The following SSH2 variants were observed in gnomAD, a reference collection of about 807,000 sequenced individuals.
SSH2 encodes protein phosphatase Slingshot homolog 2.
A neutral mutation model predicts 135.2 loss-of-function variants in SSH2; 37 were observed. That is an observed-to-expected ratio of 0.27 (90% confidence interval 0.21 to 0.36). The LOEUF (loss-of-function observed/expected upper bound fraction) is 0.36. Among genes scored for constraint, SSH2 ranks in the 10% least tolerant of loss-of-function variants. The pLI, the probability that SSH2 is intolerant of heterozygous loss-of-function variation, is 1.00. For missense variants in SSH2, 1,408 were observed against 1,765.3 expected, an observed-to-expected ratio of 0.80 and a Z score of 3.63; for synonymous variants, 628 against 646.2, an observed-to-expected ratio of 0.97 and a Z score of 0.43.
At chr17:29,819,303 T>C (rs1022348738) in intron 2 of SSH2, among the ~76,000 whole-genome samples, 2 of 152,150 alleles carry the variant, frequency 1.3e-5, no homozygotes, top group African/African-American at 4.8e-5. Context: ...CTTGAGCAAC[T>C]AGCAGGAAAT....
At chr17:29,712,094 A>T (rs1270471320) in intron 3 of SSH2, among the ~76,000 whole-genome samples, 1 of 152,218 alleles carries the variant, frequency 6.6e-6, no homozygotes, top group Non-Finnish European at 1.5e-5. Context: ...GAAAGGCGAG[A>T]TAACTCGAAG....
intron 11 of SSH2, among the ~76,000 whole-genome samples, chr17:29,665,627 T>C (rs1221240329): frequency 6.6e-6 from 1 of 152,222 alleles, no homozygotes; most frequent in East Asian, 1.9e-4. Context: ...TACTTCCTTG[T>C]AAGCATTTTT....
chr17:29,681,065 C>T (rs929385833), intron 6 of SSH2, among the ~76,000 whole-genome samples: 1 of 151,770 alleles, frequency 6.6e-6, no homozygotes. Flanking sequence ...GTAGCTTTTT[C>T]AGCAGGGCGT....
chr17:29,647,420 C>G (rs1598714990), intron 14 of SSH2, among the ~76,000 whole-genome samples: 1 of 151,624 alleles, frequency 6.6e-6, no homozygotes, highest in South Asian at 2.1e-4. Context: ...AGAATTTCAG[C>G]TAAGCCTCGC....
chr17:29,676,956 G>C (rs2037747907), intron 7 of SSH2, 71 bp from the exon 8 acceptor site: 6 of 1,325,196 alleles, frequency 4.5e-6, no homozygotes, highest in Non-Finnish European at 6.5e-6. Flanking sequence ...AGTTTTCATG[G>C]ATGTATCCCA....
chr17:29,853,313 C>T (rs915364068), intron 1 of SSH2, among the ~76,000 whole-genome samples: 2 of 151,638 alleles, frequency 1.3e-5, no homozygotes, highest in African/African-American at 4.9e-5. Context: ...TCTCCATCTC[C>T]TGACCTTGTG....
chr17:29,696,174 T>TACACACAC (rs199942164), intron 4 of SSH2, among the ~76,000 whole-genome samples: 15 of 137,126 alleles, frequency 1.1e-4, no homozygotes, highest in South Asian at 4.7e-4. Flanking sequence ...TGTATATATA[T>TACACACAC]ACACACACAC....
intron 8 of SSH2, among the ~76,000 whole-genome samples, chr17:29,675,322 T>C (rs2037660769): frequency 6.6e-6 from 1 of 152,142 alleles, no homozygotes; most frequent in African/African-American, 2.4e-5. Flanking sequence ...TTTTTCAGGC[T>C]CTTTTATTTC....
chr17:29,809,654 C>T (rs1405009572), intron 2 of SSH2, among the ~76,000 whole-genome samples: 8 of 152,068 alleles, frequency 5.3e-5, no homozygotes, highest in Non-Finnish European at 1.2e-4. Flanking sequence ...CTCCTAGGTT[C>T]AAGAGATTCC....
chr17:29,771,668 T>A (rs777217336), intron 3 of SSH2, among the ~76,000 whole-genome samples: 2 of 151,500 alleles, frequency 1.3e-5, no homozygotes, highest in Non-Finnish European at 2.9e-5. Context: ...TAGGTAAGGG[T>A]TTTATTTTTA....
intron 3 of SSH2, among the ~76,000 whole-genome samples, chr17:29,743,912 T>TCC (rs1164105296): frequency 1.1e-3 from 140 of 130,000 alleles, no homozygotes; most frequent in African/African-American, 4.5e-3. Flanking sequence ...TTTTCCTTTT[T>TCC]TTTTTTTTTT....
chr17:29,661,803 A>G (rs1000534100), intron 11 of SSH2, among the ~76,000 whole-genome samples: 4 of 152,186 alleles, frequency 2.6e-5, no homozygotes, highest in African/African-American at 9.7e-5. Flanking sequence ...GTCCAGAGAG[A>G]GTTCAACCTG....
At chr17:29,848,813 T>A in intron 2 of SSH2, 36 bp downstream of exon 2, 1 of 1,343,822 alleles carries the variant, frequency 7.4e-7, no homozygotes, top group Non-Finnish European at 1.0e-6. Context: ...TTTACTTGAA[T>A]CACCAAAGTC....
chr17:29,764,478 A>G (rs2041400732), intron 3 of SSH2, among the ~76,000 whole-genome samples: 1 of 152,230 alleles, frequency 6.6e-6, no homozygotes, highest in African/African-American at 2.4e-5. Flanking sequence ...CTCTGTACCC[A>G]TGCATCTAGG....
intron 3 of SSH2, among the ~76,000 whole-genome samples, chr17:29,740,127 T>C (rs1474104701): frequency 6.6e-6 from 1 of 152,206 alleles, no homozygotes; most frequent in African/African-American, 2.4e-5. Flanking sequence ...TCTCTGACAG[T>C]AGGTGGACAG....
At chr17:29,811,971 A>C (rs1414469813) in intron 2 of SSH2, among the ~76,000 whole-genome samples, 3 of 152,130 alleles carry the variant, frequency 2.0e-5, no homozygotes, top group African/African-American at 7.2e-5. Context: ...AAATATATTT[A>C]TGATTTTTAT....
At chr17:29,847,289 C>T (rs1244255663) in intron 2 of SSH2, among the ~76,000 whole-genome samples, 1 of 152,142 alleles carries the variant, frequency 6.6e-6, no homozygotes, top group African/African-American at 2.4e-5. Flanking sequence ...TAAAAAAAAT[C>T]AGGTTGTCAC....
chr17:29,773,288 A>G lies in SSH2; in HGVS notation c.188+20606T>C, dbSNP rs551786903. 2.6e-5 allele frequency among the ~76,000 whole-genome samples: 4 copies of G among 152,346 alleles called. No individual in the cohort carries two copies. In the East Asian group the frequency reaches 5.8e-4, roughly 22 times the overall value. On this transcript the variant is annotated intron_variant, in intron 3 of 15. Coordinates refer to ENST00000540801, the MANE Select transcript of SSH2 (RefSeq NM_001282129.2). ...TTCTATCCATAGAAATAATATTACA[A>G]TGTAGAAAAGAAAAGACAAGGGGTC...
intron 3 of SSH2, chr17:29,707,218 G>A (rs940765071): frequency 1.3e-5 from 2 of 151,168 alleles, no homozygotes; most frequent in Admixed American, 1.3e-4. Flanking sequence ...AGATACATTT[G>A]TTGCTTATGC....
Sources: allele counts gnomAD v4.1 joint callset (sites outside exome capture counted in the v4.1 genomes callset), GRCh38; gene constraint gnomAD v4.1.1; transcripts MANE v1.5; gene names NCBI Gene and HGNC (gene_info 2026-07-23, HGNC 2026-07-21).